Variants in GMPS observed in about 807,000 individuals in gnomAD.
The protein encoded by GMPS is guanosine monophosphate synthase, also known as GMP synthase [glutamine-hydrolyzing].
Under a neutral mutation model 77.9 loss-of-function variants are expected in GMPS, and 15 were observed. The ratio of observed to expected loss-of-function variants is 0.19; its 90% confidence interval spans 0.13 to 0.30. The LOEUF is 0.30. Among genes scored for constraint, GMPS ranks in the 10% least tolerant of loss-of-function variants. The pLI, the probability that GMPS is intolerant of heterozygous loss-of-function variation, is 1.00. For synonymous variants in GMPS, 224 were observed against 275.9 expected (o/e 0.81, Z 1.86); for missense variants, 590 against 838.8 (o/e 0.70, Z 3.66).
intron 12 of GMPS, among the ~76,000 whole-genome samples, chr3:155,928,483 G>C (rs534934156): frequency 2.1e-4 from 32 of 151,956 alleles, no homozygotes; most frequent in Admixed American, 1.8e-3. Context: ...GGATTAAACA[G>C]GACACAGGAA....
chr3:155,914,601 A>G (rs746689173), intron 8 of GMPS, 31 bp downstream of exon 8: 25 of 1,400,158 alleles, frequency 1.8e-5, no homozygotes, highest in Non-Finnish European at 2.3e-5. Context: ...CTCAACATGT[A>G]CTATTTTTGA....
chr3:155,905,057 G>A (rs757991976), intron 4 of GMPS, among the ~76,000 whole-genome samples: 12 of 150,714 alleles, frequency 8.0e-5, no homozygotes, highest in South Asian at 4.2e-4. Context: ...TCACTCTGTC[G>A]CACGCCCAGG....
At chr3:155,884,795 G>T (rs1053299758) in intron 1 of GMPS, among the ~76,000 whole-genome samples, 9 of 152,208 alleles carry the variant, frequency 5.9e-5, no homozygotes, top group African/African-American at 2.2e-4. Flanking sequence ...TGTGTATGGG[G>T]TTCTGGCTGT....
chr3:155,891,239 G>T, intron 1 of GMPS, among the ~76,000 whole-genome samples: 1 of 152,178 alleles, frequency 6.6e-6, no homozygotes, highest in South Asian at 2.1e-4. Context: ...GATTATGCAA[G>T]GCAGGAACTC....
chr3:155,890,859 C>G (rs975167078), intron 1 of GMPS, among the ~76,000 whole-genome samples: 6 of 152,180 alleles, frequency 3.9e-5, no homozygotes, highest in African/African-American at 1.2e-4. Flanking sequence ...TTCACTCCAG[C>G]ATTATCACTT....
At chr3:155,874,026 C>G (rs1407757222) in intron 1 of GMPS, among the ~76,000 whole-genome samples, 3 of 152,194 alleles carry the variant, frequency 2.0e-5, no homozygotes, top group African/African-American at 7.2e-5. Context: ...TCTTTTATCC[C>G]TCACCCGCTT....
rs770555108 is a variant in GMPS, at chr3:155,893,502, G to A, written c.28-16G>A. On this transcript the variant is annotated splice_polypyrimidine_tract_variant and intron_variant, in intron 1 of 15. Transcript: ENST00000496455. The stretch of plus-strand genomic sequence containing the variant: ...TTTTCATAATTAAGACTTTGTATTT[G>A]TATTGATATTTGCAGCTGGAGAATG... 2 of 1,550,976 alleles carry A rather than the reference G, an allele frequency of 1.3e-6. No individual in the cohort carries two copies. The highest frequency in any genetic ancestry group is 1.2e-5 in the South Asian group (1 of 85,476).
chr3:155,878,282 G>T (rs1056404091), intron 1 of GMPS, among the ~76,000 whole-genome samples: 3 of 152,150 alleles, frequency 2.0e-5, no homozygotes, highest in African/African-American at 7.2e-5. Context: ...GGTGTTTTGT[G>T]GCTTTCACTT....
chr3:155,869,720 G>C (rs1041434329), upstream of GMPS, among the ~76,000 whole-genome samples: 2 of 152,158 alleles, frequency 1.3e-5, no homozygotes, highest in Non-Finnish European at 2.9e-5. Flanking sequence ...AGCTTTTAAA[G>C]TATTTTCTCA....
chr3:155,938,835 G>C lies in GMPS; in HGVS notation c.*1143G>C, dbSNP rs1755822876. The C allele has an allele frequency of 4.7e-6, 1 of 213,078 alleles. No homozygotes were observed. The highest frequency in any genetic ancestry group is 1.9e-4 in the South Asian group (1 of 5,358). The allele number at this position is 213,078 out of a possible 1,614,324, so 13.2% of individuals were successfully genotyped here. A position where few individuals can be genotyped will look rare whatever the true frequency, so the allele number is the denominator to read the frequency against. ...TTGCCATCACCACCAGTTTCTAACA[G>C]ATCTTTTATAACATTCACATAAGTA... On this transcript the variant is annotated 3_prime_UTR_variant, in exon 16 of 16. Coordinates refer to ENST00000496455, the MANE Select transcript of GMPS (RefSeq NM_003875.3).
At chr3:155,908,135 A>G (rs1158768336) in intron 5 of GMPS, among the ~76,000 whole-genome samples, 3 of 152,238 alleles carry the variant, frequency 2.0e-5, no homozygotes, top group South Asian at 2.1e-4. Context: ...CAAGCTAGGA[A>G]TTTATTGTAG....
intron 9 of GMPS, among the ~76,000 whole-genome samples, chr3:155,918,833 G>GGTTACAAGAC (rs1755249651): frequency 6.6e-6 from 1 of 152,020 alleles, no homozygotes; most frequent in Non-Finnish European, 1.5e-5. Context: ...TCTTTTATCA[G>GGTTACAAGAC]ATATACGACT....
chr3:155,878,135 A>G (rs937920959), intron 1 of GMPS, among the ~76,000 whole-genome samples: 15 of 151,938 alleles, frequency 9.9e-5, no homozygotes, highest in African/African-American at 1.7e-4. Flanking sequence ...TCATGCTCTA[A>G]CCACCTCCCA....
chr3:155,899,491 G>A (rs1400060797), intron 3 of GMPS, among the ~76,000 whole-genome samples: 2 of 148,870 alleles, frequency 1.3e-5, no homozygotes, highest in East Asian at 2.0e-4. Context: ...GCAAAATTAA[G>A]AAGGTATAGA....
chr3:155,871,138 A>T (rs1577492775), intron 1 of GMPS, among the ~76,000 whole-genome samples: 2 of 151,546 alleles, frequency 1.3e-5, no homozygotes, highest in East Asian at 3.9e-4. Context: ...GGAGGGCATC[A>T]GCTCCCCGCG....
chr3:155,906,726 C>CT (rs555921798), intron 5 of GMPS, among the ~76,000 whole-genome samples: 115 of 151,924 alleles, frequency 7.6e-4, no homozygotes, highest in African/African-American at 2.7e-3. Flanking sequence ...AGTCTTTTGC[C>CT]TTTTTTTAAT....
intron 14 of GMPS, 65 bp downstream of exon 14, chr3:155,935,111 G>A: frequency 1.9e-6 from 2 of 1,063,096 alleles, no homozygotes; most frequent in Non-Finnish European, 2.9e-6. Flanking sequence ...GATATTAAGA[G>A]TAGGAGGATG....
chr3:155,908,803 T>A (rs1434575718), intron 5 of GMPS, among the ~76,000 whole-genome samples: 1 of 152,170 alleles, frequency 6.6e-6, no homozygotes, highest in Admixed American at 6.6e-5. Flanking sequence ...ACAAAGGTGC[T>A]GAGTAGGCAG....
intron 6 of GMPS, 104 bp from the exon 7 acceptor site, chr3:155,911,010 A>G (rs907969619): frequency 5.3e-6 from 6 of 1,121,828 alleles, no homozygotes; most frequent in East Asian, 2.4e-5. Context: ...GTTACCATAC[A>G]TATCTTTGGT....
Sources: allele counts gnomAD v4.1 joint callset (sites outside exome capture counted in the v4.1 genomes callset), GRCh38; gene constraint gnomAD v4.1.1; transcripts MANE v1.5; gene names NCBI Gene and HGNC (gene_info 2026-07-23, HGNC 2026-07-21).